Variants in GNAL observed in about 807,000 individuals in gnomAD.
GNAL encodes the protein G protein subunit alpha L.
A neutral mutation model predicts 55.1 loss-of-function variants in GNAL; 18 were observed. The ratio of observed to expected loss-of-function variants is 0.33; its 90% confidence interval spans 0.23 to 0.48. The LOEUF is 0.48. Ranked by LOEUF, GNAL falls within the 20% of genes least tolerant of loss-of-function variation. GNAL has a pLI of 0.99. For missense variants in GNAL, 412 were observed against 614.1 expected (o/e 0.67, Z 3.48); for synonymous variants, 253 against 237.0 (o/e 1.07, Z -0.62).
intron 10 of GNAL, among the ~76,000 whole-genome samples, chr18:11,875,727 A>G (rs999889243): frequency 3.9e-5 from 6 of 152,326 alleles, no homozygotes; most frequent in East Asian, 1.9e-4. Context: ...CCATGAGCCA[A>G]TTAAACCTCT....
chr18:11,711,719 CT>C (rs1403024409), intron 1 of GNAL, among the ~76,000 whole-genome samples: 2 of 152,138 alleles, frequency 1.3e-5, no homozygotes, highest in Non-Finnish European at 2.9e-5. Context: ...ATCTCCATTT[CT>C]TTAGGGTAGG....
At chr18:11,877,089 A>G (rs2036548767) in intron 11 of GNAL, among the ~76,000 whole-genome samples, 1 of 152,236 alleles carries the variant, frequency 6.6e-6, no homozygotes, top group Non-Finnish European at 1.5e-5. Flanking sequence ...TCAGATATTT[A>G]CTTTTTTTTC....
At chr18:11,690,679 A>G (rs945138451) in intron 1 of GNAL, among the ~76,000 whole-genome samples, 2 of 136,002 alleles carry the variant, frequency 1.5e-5, no homozygotes, top group African/African-American at 5.5e-5. Flanking sequence ...CTCATTGTTC[A>G]ATTCCCACCT....
At chr18:11,865,566 A>G (rs1471007043) in intron 7 of GNAL, among the ~76,000 whole-genome samples, 1 of 139,800 alleles carries the variant, frequency 7.2e-6, no homozygotes, top group Non-Finnish European at 1.5e-5. Context: ...CCTGGGCAAC[A>G]TAGCAAGACC....
At chr18:11,832,039 C>T (rs1455665714) in intron 5 of GNAL, among the ~76,000 whole-genome samples, 1 of 152,206 alleles carries the variant, frequency 6.6e-6, no homozygotes, top group Admixed American at 6.5e-5. Flanking sequence ...CCAGTTCCTA[C>T]TGTGAAAATT....
chr18:11,737,452 G>A (rs1323760942), intron 1 of GNAL, among the ~76,000 whole-genome samples: 1 of 152,134 alleles, frequency 6.6e-6, no homozygotes, highest in Non-Finnish European at 1.5e-5. Flanking sequence ...CTCTCTGAAT[G>A]TTTCTCTCTT....
At chr18:11,877,630 GA>G (rs11320240) in intron 11 of GNAL, among the ~76,000 whole-genome samples, 79,102 of 151,866 alleles carry the variant, frequency 0.52, 20,873 homozygotes, top group Middle Eastern at 0.63. Flanking sequence ...TCCCAAGGGC[GA>G]TGTTCCCGGT....
At chr18:11,857,420 TG>T in intron 5 of GNAL, 1 of 881,014 alleles carries the variant, frequency 1.1e-6, no homozygotes. Context: ...TTGACTGGAG[TG>T]GAGGGTTCAC....
At chr18:11,756,921 G>C (rs2033075936) in intron 4 of GNAL, among the ~76,000 whole-genome samples, 1 of 152,206 alleles carries the variant, frequency 6.6e-6, no homozygotes, top group South Asian at 2.1e-4. Context: ...GAGAAAGCCT[G>C]TCAGTGTCAT....
intron 1 of GNAL, among the ~76,000 whole-genome samples, chr18:11,709,272 T>A (rs1472411797): frequency 6.6e-6 from 1 of 151,848 alleles, no homozygotes; most frequent in African/African-American, 2.4e-5. Flanking sequence ...GATTACTTTG[T>A]CTACTTGGGG....
At position 11,882,695 on chromosome 18, in the gene GNAL, A is replaced by C. The variant is rs1286190629; in HGVS notation, c.*1560A>C. ...AGTGAGACTCAGGCCAAAAAAAAAA[A>C]AAAAAAAAACCTTGACGTGTCAATG... On this transcript the variant is annotated 3_prime_UTR_variant, in exon 12 of 12. Coordinates refer to ENST00000334049, the MANE Select transcript of GNAL (RefSeq NM_182978.4). The C allele has an allele frequency of 6.6e-6, 1 of 151,886 alleles. No individual in the cohort carries two copies. Among genetic ancestry groups the C allele is most frequent in the Non-Finnish European group, 1.5e-5 (1 of 67,952 alleles). The allele number at this position is 151,886 out of a possible 1,614,324, so 9.4% of individuals were successfully genotyped here. A position where few individuals can be genotyped will look rare whatever the true frequency, so the allele number is the denominator to read the frequency against.
intron 11 of GNAL, among the ~76,000 whole-genome samples, chr18:11,877,891 A>T (rs1016413212): frequency 6.9e-6 from 1 of 145,942 alleles, no homozygotes; most frequent in South Asian, 2.3e-4. Context: ...CATGGCCGTA[A>T]GTGCATGGCA....
chr18:11,787,161 G>C (rs1248900605), intron 4 of GNAL, among the ~76,000 whole-genome samples: 1 of 152,128 alleles, frequency 6.6e-6, no homozygotes, highest in East Asian at 1.9e-4. Flanking sequence ...CTAAAGTCAA[G>C]AGATCATAGA....
chr18:11,797,047 C>T (rs139742562), intron 4 of GNAL, among the ~76,000 whole-genome samples: 14 of 152,254 alleles, frequency 9.2e-5, no homozygotes, highest in African/African-American at 2.4e-4. Flanking sequence ...CTCTGCCACG[C>T]GGGCTCAAGC....
chr18:11,850,009 T>G (rs2035821883), intron 5 of GNAL, among the ~76,000 whole-genome samples: 1 of 152,158 alleles, frequency 6.6e-6, no homozygotes, highest in Non-Finnish European at 1.5e-5. Context: ...GGAGGAGTCC[T>G]GGGGAGGCTC....
At chr18:11,738,146 C>T (rs772665282) in intron 1 of GNAL, among the ~76,000 whole-genome samples, 3 of 152,330 alleles carry the variant, frequency 2.0e-5, no homozygotes, top group South Asian at 2.1e-4. Flanking sequence ...ACAGACCCTG[C>T]TTCCAGGCTT....
At chr18:11,760,173 C>T (rs1247793994) in intron 4 of GNAL, among the ~76,000 whole-genome samples, 7 of 152,166 alleles carry the variant, frequency 4.6e-5, no homozygotes. Flanking sequence ...CATGTGCCTG[C>T]TAACTTAGGT....
At chr18:11,879,002 T>C (rs1239406185) in intron 11 of GNAL, among the ~76,000 whole-genome samples, 2 of 151,788 alleles carry the variant, frequency 1.3e-5, no homozygotes, top group East Asian at 3.9e-4. Flanking sequence ...ATACACCTAA[T>C]GTAAATGACG....
intron 1 of GNAL, among the ~76,000 whole-genome samples, chr18:11,748,511 G>C (rs558148803): frequency 3.9e-4 from 53 of 135,746 alleles, no homozygotes; most frequent in Non-Finnish European, 7.5e-4. Context: ...TAACTTCCTG[G>C]GTATATTTTG....
Sources: allele counts gnomAD v4.1 joint callset (sites outside exome capture counted in the v4.1 genomes callset), GRCh38; gene constraint gnomAD v4.1.1; transcripts MANE v1.5; gene names NCBI Gene and HGNC (gene_info 2026-07-23, HGNC 2026-07-21).